The following CDH18 variants were observed in gnomAD, a reference collection of about 807,000 sequenced individuals.
CDH18 encodes cadherin-18.
CDH18 carries 31 observed loss-of-function variants against 67.9 expected under a neutral mutation model. The ratio of observed to expected loss-of-function variants is 0.46; its 90% CI spans 0.34 to 0.62. CDH18 has a LOEUF of 0.62. Among genes scored for constraint, CDH18 ranks in the 20% least tolerant of loss-of-function variants. CDH18 has a pLI of 0.01. For missense variants in CDH18, 890 were observed against 975.5 expected, an observed-to-expected ratio of 0.91 and a Z score of 1.17; for synonymous variants, 362 against 347.2, an observed-to-expected ratio of 1.04 and a Z score of -0.48.
chr5:19,612,530 T>C lies in CDH18; in HGVS notation c.715A>G (p.Lys239Glu). The change falls in exon 6 of 13, where the codon AAA becomes GAA. Residue 239 changes from lysine to glutamate, a missense_variant. Physicochemically the swap from Lys to Glu is moderately conservative, Grantham distance 56 (BLOSUM62 1). Around this residue, in one of 2 missense-constraint regions of CDH18, gnomAD observed 234 missense variants for 307.4 expected, o/e 0.76. Transcript: ENST00000382275. ...CCTCCAACTTGCCCAGCCATGTCTT[T>C]GGCTTGAATGACTACGGAGTAATGT... The part of the protein sequence containing the change: ...REHYSVVIQA[K>E]DMAGQVGGLS... The C allele has an allele frequency of 6.2e-7, 1 of 1,614,088 alleles. No homozygotes were observed. Among genetic ancestry groups the C allele is most frequent in the Non-Finnish European group, 8.5e-7 (1 of 1,180,000 alleles).
At chr5:19,593,613 C>G (rs553871585) in intron 6 of CDH18, among the ~76,000 whole-genome samples, 120 of 146,068 alleles carry the variant, frequency 8.2e-4, no homozygotes, top group African/African-American at 2.6e-3. Flanking sequence ...ACCCACTCCC[C>G]CTCCCGTTCT....
intron 2 of CDH18, among the ~76,000 whole-genome samples, chr5:20,003,874 T>G (rs1248713352): frequency 3.9e-5 from 6 of 152,148 alleles, no homozygotes; most frequent in Admixed American, 3.3e-4. Flanking sequence ...TCCAGCCTGG[T>G]CGACAGAGCG....
At chr5:19,870,412 T>G (rs1361014246) in intron 2 of CDH18, among the ~76,000 whole-genome samples, 1 of 152,188 alleles carries the variant, frequency 6.6e-6, no homozygotes, top group Non-Finnish European at 1.5e-5. Flanking sequence ...GAAGGTTACA[T>G]TAATTTTTTC....
rs1259431563 is a variant in CDH18 at position 19,960,557 on chromosome 5, GTGTA to G, written c.-257+20499_-257+20502del. 1.9e-3 allele frequency among the ~76,000 whole-genome samples: 172 copies of G among 89,676 alleles called. 2 individuals carry two copies. Among genetic ancestry groups the G allele is most frequent in the African/African-American group, 6.8e-3 (132 of 19,292 alleles). The allele number at this position is 89,676 out of a possible 152,430, so 58.8% of individuals were successfully genotyped here. ...GGATGTTTAATATACGTGTGTGTGT[GTGTA>G]TGTGTGTGTGTGTGTGTGTGTGTGT... is the stretch of plus-strand genomic sequence containing the variant. On this transcript the variant is annotated intron_variant, in intron 2 of 12. Transcript: ENST00000382275.
chr5:19,581,411 A>G (rs1343255891), intron 7 of CDH18, among the ~76,000 whole-genome samples: 1 of 151,864 alleles, frequency 6.6e-6, no homozygotes, highest in Non-Finnish European at 1.5e-5. Flanking sequence ...GGACTTTTTA[A>G]TTGTTTCTCA....
intron 7 of CDH18, among the ~76,000 whole-genome samples, chr5:19,585,872 A>C (rs1744060707): frequency 6.6e-6 from 1 of 152,178 alleles, no homozygotes; most frequent in Admixed American, 6.6e-5. Context: ...AGCAAAGAAT[A>C]ATCACATATC....
At chr5:19,895,249 G>A (rs1789182464) in intron 2 of CDH18, among the ~76,000 whole-genome samples, 1 of 152,158 alleles carries the variant, frequency 6.6e-6, no homozygotes, top group Non-Finnish European at 1.5e-5. Flanking sequence ...TTGATGGAAT[G>A]TCTTGCAAAC....
chr5:20,456,263 T>C (rs1750829574), intron 1 of CDH18, among the ~76,000 whole-genome samples: 1 of 152,092 alleles, frequency 6.6e-6, no homozygotes, highest in Non-Finnish European at 1.5e-5. Context: ...GAGAAATAAA[T>C]ATGTCCTTAT....
Position 19,593,707 on chromosome 5 carries a change from C to CCTCCTTCTT in CDH18, c.812-2464_812-2463insAAGAAGGAG. ...TCCTTCTCTTCCTCTTCCTCCTCCTCCTTCTTCTTCTTCTTCTTCTTCTTC... is the reference window on the plus strand; with the variant it reads ...TCCTTCTCTTCCTCTTCCTCCTCCTCCTCCTTCTTCTTCTTCTTCTTCTTCTTCTTCTTC... On this transcript the variant is annotated intron_variant, in intron 6 of 12. Transcript: ENST00000382275. Among the ~76,000 whole-genome samples, 52 of 33,394 alleles carry CCTCCTTCTT rather than the reference C, an allele frequency of 1.6e-3. 1 individual carries two copies. Among genetic ancestry groups the CCTCCTTCTT allele is most frequent in the African/African-American group, 5.6e-3 (48 of 8,614 alleles). The allele number at this position is 33,394 out of a possible 152,430, so 21.9% of individuals were successfully genotyped here.
At chr5:19,645,310 T>C (rs1447955779) in intron 5 of CDH18, among the ~76,000 whole-genome samples, 2 of 152,180 alleles carry the variant, frequency 1.3e-5, no homozygotes, top group Non-Finnish European at 2.9e-5. Flanking sequence ...CATATGCTTA[T>C]GTAAAGAAAG....
chr5:19,980,533 G>A (rs1798933280), intron 2 of CDH18, among the ~76,000 whole-genome samples: 1 of 151,998 alleles, frequency 6.6e-6, no homozygotes, highest in Non-Finnish European at 1.5e-5. Context: ...TGTCTTCCTT[G>A]AAGTCCATCT....
At chr5:19,640,326 T>C (rs1753821616) in intron 5 of CDH18, among the ~76,000 whole-genome samples, 2 of 152,130 alleles carry the variant, frequency 1.3e-5, no homozygotes, top group Admixed American at 1.3e-4. Context: ...ATTACAAGGG[T>C]ATTATATGTG....
intron 2 of CDH18, among the ~76,000 whole-genome samples, chr5:19,994,263 AT>A (rs1449049270): frequency 7.0e-6 from 1 of 142,628 alleles, no homozygotes; most frequent in African/African-American, 2.6e-5. Flanking sequence ...ATATATACAC[AT>A]ATATGTATAC....
intron 2 of CDH18, among the ~76,000 whole-genome samples, chr5:19,884,232 T>G (rs1199606904): frequency 6.6e-6 from 1 of 152,136 alleles, no homozygotes; most frequent in Non-Finnish European, 1.5e-5. Context: ...TTCAGCTCAT[T>G]TCTTGCTATA....
At chr5:19,960,746 T>A (rs1239270768) in intron 2 of CDH18, among the ~76,000 whole-genome samples, 1 of 132,890 alleles carries the variant, frequency 7.5e-6, no homozygotes, top group African/African-American at 3.7e-5. Context: ...CGTATACACG[T>A]GTATATATAT....
At chr5:19,909,298 C>T (rs1054160305) in intron 2 of CDH18, among the ~76,000 whole-genome samples, 3 of 118,760 alleles carry the variant, frequency 2.5e-5, no homozygotes, top group Non-Finnish European at 5.1e-5. Flanking sequence ...TGGTTTCCTT[C>T]ACTTTTTTTT....
intron 5 of CDH18, among the ~76,000 whole-genome samples, chr5:19,703,881 A>T (rs998234283): frequency 2.0e-5 from 3 of 152,198 alleles, no homozygotes; most frequent in African/African-American, 7.2e-5. Context: ...CTCCAGTCAG[A>T]TGATGCCAGC....
chr5:20,570,101 G>T (rs1407806941), intron 1 of CDH18, among the ~76,000 whole-genome samples: 5 of 152,020 alleles, frequency 3.3e-5, no homozygotes, highest in African/African-American at 1.2e-4. Flanking sequence ...TATAAACGTG[G>T]ATATACCTTA....
chr5:20,143,974 G>T (rs768216828), intron 2 of CDH18, among the ~76,000 whole-genome samples: 19 of 152,154 alleles, frequency 1.2e-4, no homozygotes, highest in Non-Finnish European at 2.6e-4. Flanking sequence ...GGCCTCTCTT[G>T]TGTGATGTCT....
Sources: allele counts gnomAD v4.1 joint callset (sites outside exome capture counted in the v4.1 genomes callset), GRCh38; gene constraint gnomAD v4.1.1; regional missense constraint gnomAD v4.1.1; transcripts MANE v1.5; gene names NCBI Gene and HGNC (gene_info 2026-07-23, HGNC 2026-07-21).